DDX59: variants seen among roughly 807,000 people sequenced by gnomAD.
DDX59 encodes the protein probable ATP-dependent RNA helicase DDX59.
In DDX59, 30 loss-of-function variants were observed where a neutral mutation model predicts 51.9. The observed-to-expected ratio is 0.58, with a 90% CI of 0.43 to 0.78. The LOEUF is 0.78. Among genes scored for constraint, DDX59 ranks in the 30% least tolerant of loss-of-function variants. The pLI, the probability that DDX59 is intolerant of heterozygous loss-of-function variation, is 0.00. For synonymous variants in DDX59, 255 were observed against 253.3 expected, an observed-to-expected ratio of 1.01 and a Z score of -0.06; for missense variants, 672 against 730.8, an observed-to-expected ratio of 0.92 and a Z score of 0.93.
intron 4 of DDX59, among the ~76,000 whole-genome samples, chr1:200,652,100 T>G (rs760741311): frequency 1.3e-5 from 2 of 151,928 alleles, no homozygotes; most frequent in African/African-American, 2.4e-5. Flanking sequence ...TATTTAATTC[T>G]TTTTTTTCCC....
chr1:200,666,036 A>C lies in DDX59; in HGVS notation c.705T>G (p.Pro235=). ...VPTPIQMQMI[P]VGLLGRDILA... is the part of the protein sequence containing the mutation. ...GAATGTCTCTTCCCAGAAGTCCCAC[A>C]GGAATCATCTGCATTTGAATGGGAG... Residue 235 remains proline, a synonymous_variant, in exon 2 of 8, where the codon CCT becomes CCG. Coordinates refer to ENST00000331314, the MANE Select transcript of DDX59 (RefSeq NM_001031725.6). 1.2e-6 allele frequency: 2 copies of C among 1,614,216 alleles called. No homozygotes were observed. Among genetic ancestry groups the C allele is most frequent in the Non-Finnish European group, 1.7e-6 (2 of 1,180,048 alleles).
chr1:200,664,200 G>C, intron 2 of DDX59, 114 bp from the exon 3 acceptor site: 1 of 1,140,906 alleles, frequency 8.8e-7, no homozygotes, highest in East Asian at 2.7e-5. Flanking sequence ...TTCCCAACTG[G>C]GTATGAGTCC....
rs1661425431 is a variant in DDX59 at position 200,648,305 on chromosome 1, C to T, written c.1596+134G>A. The T allele has an allele frequency of 3.2e-6, 4 of 1,247,256 alleles. No homozygotes were observed. In the African/African-American group the frequency reaches 4.5e-5, roughly 14 times the overall value. The allele number at this position is 1,247,256 out of a possible 1,614,324, so 77.3% of individuals were successfully genotyped here. ...CGAGTGATCTGCCCGCGATGGCCTT[C>T]CAAAGTGCTGGGATTACAGGTGTGA... On this transcript the variant is annotated intron_variant, in intron 7 of 7. Coordinates refer to ENST00000331314, the MANE Select transcript of DDX59 (RefSeq NM_001031725.6).
intron 3 of DDX59, among the ~76,000 whole-genome samples, chr1:200,663,160 C>G (rs1662486141): frequency 6.6e-6 from 1 of 152,190 alleles, no homozygotes; most frequent in African/African-American, 2.4e-5. Context: ...CCCCAACTCC[C>G]TGCCAACCCA....
chr1:200,641,831 A>T (rs953901773), downstream of DDX59, among the ~76,000 whole-genome samples: 1 of 152,002 alleles, frequency 6.6e-6, no homozygotes, highest in Non-Finnish European at 1.5e-5. Flanking sequence ...GGTGAAACCC[A>T]GTCTCTACTA....
At chr1:200,648,610 T>G (rs1267960174) in intron 6 of DDX59, 43 bp from the exon 7 acceptor site, 1 of 1,572,984 alleles carries the variant, frequency 6.4e-7, no homozygotes. Context: ...GAATTTATTT[T>G]GTGTGGTTTT....
chr1:200,663,199 C>T (rs74455583), intron 3 of DDX59, among the ~76,000 whole-genome samples: 5,158 of 152,298 alleles, frequency 0.034, 99 homozygotes, highest in Middle Eastern at 0.048. Flanking sequence ...CAGGGCCGCC[C>T]TACCACCCTA....
At chr1:200,658,935 A>G (rs1276574639) in intron 4 of DDX59, 92 bp downstream of exon 4, 2 of 1,103,616 alleles carry the variant, frequency 1.8e-6, no homozygotes, top group Non-Finnish European at 2.6e-6. Context: ...TGAGAGAGAG[A>G]AAAGGTACTG....
At chr1:200,660,102 G>C (rs547197410) in intron 3 of DDX59, among the ~76,000 whole-genome samples, 18 of 152,214 alleles carry the variant, frequency 1.2e-4, no homozygotes, top group Admixed American at 1.0e-3. Flanking sequence ...AAACCTACAG[G>C]TTGTTCATTA....
chr1:200,646,326 C>T (rs1426516434), intron 7 of DDX59, among the ~76,000 whole-genome samples: 1 of 151,784 alleles, frequency 6.6e-6, no homozygotes, highest in Non-Finnish European at 1.5e-5. Flanking sequence ...AGAAGGAGAC[C>T]CCGTCTCTTA....
In DDX59 at chr1:200,649,170, TG is replaced by T; in HGVS notation, c.1370del (p.Ala457GlufsTer4). On this transcript the variant is annotated frameshift_variant, in exon 6 of 8. Coordinates refer to ENST00000331314, the MANE Select transcript of DDX59 (RefSeq NM_001031725.6). LOFTEE classifies it high-confidence loss of function. ...VLVFVDCKLG[A>X]DLLSEAVQKI... ...TCTGAACGGCTTCACTCAAAAGATC[TG>T]CTCCTAGTTTGCAGTCCACAAATAC... 6.3e-7 allele frequency: 1 copy of T among 1,599,358 alleles called. No homozygotes were observed.
Position 200,650,442 on chromosome 1 carries a change from A to AT in DDX59, c.1296dup (p.Leu433IlefsTer3), listed in dbSNP as rs1558117563. 6 of 1,612,452 alleles carry AT rather than the reference A, an allele frequency of 3.7e-6. No homozygotes were observed. Among genetic ancestry groups the AT allele is most frequent in the East Asian group, 2.2e-5 (1 of 44,836 alleles). ...CTACTCACATTTAAAATTTCAAATA[A>AT]TTTTTTCTTTTTGGCTGGGTCTTCT... On this transcript the variant is annotated frameshift_variant, in exon 5 of 8. Coordinates refer to ENST00000331314, the MANE Select transcript of DDX59 (RefSeq NM_001031725.6). LOFTEE classifies it high-confidence loss of function.
At chr1:200,669,182 T>C (rs1490180562) in intron 1 of DDX59, among the ~76,000 whole-genome samples, 1 of 152,238 alleles carries the variant, frequency 6.6e-6, no homozygotes, top group Admixed American at 6.5e-5. Context: ...TTACAGTTAT[T>C]GGGAATAAGG....
chr1:200,664,602 T>C (rs1461566504), intron 2 of DDX59, among the ~76,000 whole-genome samples: 1 of 151,768 alleles, frequency 6.6e-6, no homozygotes, highest in African/African-American at 2.4e-5. Context: ...AATCTAGCAC[T>C]TTTTTTTTCT....
chr1:200,647,971 C>CA lies in DDX59; in HGVS notation c.1596+467dup, dbSNP rs1425056666. 8.3e-3 allele frequency among the ~76,000 whole-genome samples: 705 copies of CA among 85,108 alleles called. 3 individuals are homozygous for CA. The highest frequency in any genetic ancestry group is 0.011 in the Non-Finnish European group (528 of 46,440). 55.8% of individuals were successfully genotyped at this position (85,108 alleles called of 152,430 possible). A position where few individuals can be genotyped will look rare whatever the true frequency, so the allele number is the denominator to read the frequency against. ...CTTGGGTAACAGAGTGAGACTGTCT[C>CA]AAAAAAAAAAAAAATCTTAAAAGCA... On this transcript the variant is annotated intron_variant, in intron 7 of 7. Transcript: ENST00000331314.
chr1:200,662,805 T>C (rs965639392), intron 3 of DDX59, among the ~76,000 whole-genome samples: 1 of 152,218 alleles, frequency 6.6e-6, no homozygotes, highest in Admixed American at 6.5e-5. Context: ...AGACTGCAGT[T>C]AAACTCCATT....
At chr1:200,649,967 C>T (rs1031106441) in intron 5 of DDX59, among the ~76,000 whole-genome samples, 4 of 151,814 alleles carry the variant, frequency 2.6e-5, no homozygotes, top group Non-Finnish European at 4.4e-5. Flanking sequence ...CTCAGCCTCC[C>T]GAGTGGCTGG....
downstream of DDX59, chr1:200,641,241 C>T: frequency 7.7e-7 from 1 of 1,303,792 alleles, no homozygotes; most frequent in African/African-American, 1.5e-5. Flanking sequence ...AAGGGCACAA[C>T]CCAAATAATA....
chr1:200,648,720 A>T (rs1475799496), intron 6 of DDX59, among the ~76,000 whole-genome samples, 153 bp from the exon 7 acceptor site: 1 of 152,252 alleles, frequency 6.6e-6, no homozygotes, highest in East Asian at 1.9e-4. Flanking sequence ...TGAAAAATGT[A>T]TGCAGCTAAA....
Sources: allele counts gnomAD v4.1 joint callset (sites outside exome capture counted in the v4.1 genomes callset), GRCh38; gene constraint gnomAD v4.1.1; transcripts MANE v1.5; gene names NCBI Gene and HGNC (gene_info 2026-07-23, HGNC 2026-07-21).